Variants in ACTN2 observed in about 807,000 individuals in gnomAD.
The protein encoded by ACTN2 is actinin alpha 2.
Under a neutral mutation model 113.8 loss-of-function variants are expected in ACTN2, and 39 were observed. That is an observed-to-expected ratio of 0.34 (90% CI 0.27 to 0.45). The LOEUF is 0.45. ACTN2 is among the 20% of genes least tolerant of loss of function. The pLI, the probability that ACTN2 is intolerant of heterozygous loss-of-function variation, is 1.00. For synonymous variants in ACTN2, 429 were observed against 444.1 expected, an observed-to-expected ratio of 0.97 and a Z score of 0.43; for missense variants, 992 against 1,177.9, an observed-to-expected ratio of 0.84 and a Z score of 2.31.
intron 1 of ACTN2, among the ~76,000 whole-genome samples, chr1:236,693,862 C>T (rs2102860556): frequency 6.6e-6 from 1 of 152,280 alleles, no homozygotes; most frequent in South Asian, 2.1e-4. Context: ...TGGTTGCCTT[C>T]AGGAGAGAGT....
chr1:236,759,328 A>G (rs962915063), intron 18 of ACTN2, among the ~76,000 whole-genome samples: 10 of 152,232 alleles, frequency 6.6e-5, no homozygotes, highest in African/African-American at 2.4e-4. Context: ...ATTGATTTGA[A>G]TCCAAGATGA....
In ACTN2 at chr1:236,754,117, C is replaced by T; in HGVS notation, c.1974+36C>T. On this transcript the variant is annotated intron_variant, in intron 16 of 20. Transcript: ENST00000366578. The surrounding 1 kb of genome is among the most constrained non-coding windows in gnomAD (Gnocchi z 4.9). ...GCCCTCCCAGGCGCTGTTCACAAGC[C>T]TTGCGATAAGTCCCTTTAGCCACGC... 6.2e-7 allele frequency: 1 copy of T among 1,611,552 alleles called. No individual in the cohort carries two copies. Among genetic ancestry groups the T allele is most frequent in the Non-Finnish European group, 8.5e-7 (1 of 1,179,994 alleles).
At chr1:236,693,373 A>G (rs776530036) in intron 1 of ACTN2, among the ~76,000 whole-genome samples, 2 of 152,172 alleles carry the variant, frequency 1.3e-5, no homozygotes, top group Non-Finnish European at 2.9e-5. Context: ...TGACACCACC[A>G]TGGCCCTTAA....
intron 8 of ACTN2, chr1:236,736,585 G>C: frequency 1.3e-6 from 2 of 1,490,608 alleles, no homozygotes; most frequent in South Asian, 2.4e-5. Context: ...AGCACACTCA[G>C]CTCTGTGGAA....
rs1188348677 is a variant in ACTN2 at position 236,709,307 on chromosome 1, CGTATATATGTATATATATACAT to C, written c.127-8542_127-8521del. Among the ~76,000 whole-genome samples the C allele has an allele frequency of 4.3e-5, 4 of 92,488 alleles. No homozygotes were observed. In the South Asian group the frequency reaches 9.9e-4, roughly 23 times the overall value. The allele number at this position is 92,488 out of a possible 152,430, so 60.7% of individuals were successfully genotyped here. On this transcript the variant is annotated intron_variant, in intron 1 of 20. Coordinates refer to ENST00000366578, the MANE Select transcript of ACTN2 (RefSeq NM_001103.4). The stretch of plus-strand genomic sequence containing the variant: ...ATATATATGTATATATGTATATATA[CGTATATATGTATATATATACAT>C]GTATATATATACGTGTATATATATA...
chr1:236,705,021 A>G (rs1443534651), intron 1 of ACTN2, among the ~76,000 whole-genome samples: 1 of 152,208 alleles, frequency 6.6e-6, no homozygotes, highest in Non-Finnish European at 1.5e-5. Flanking sequence ...AAGGTAGGTC[A>G]GATCATTGCT....
chr1:236,689,268 TAGAAGAAA>T (rs1665982554), intron 1 of ACTN2, among the ~76,000 whole-genome samples: 1 of 148,180 alleles, frequency 6.7e-6, no homozygotes, highest in Admixed American at 6.8e-5. Flanking sequence ...AACTCAAGGG[TAGAAGAAA>T]AATGCCTGCA....
At chr1:236,733,527 G>A (rs1658773540) in intron 7 of ACTN2, among the ~76,000 whole-genome samples, 1 of 152,016 alleles carries the variant, frequency 6.6e-6, no homozygotes, top group South Asian at 2.1e-4. Context: ...CCTTTTAATG[G>A]TTCAGAAGAA....
In ACTN2 at chr1:236,763,795, TGACACAGG is replaced by T. The variant is rs1300601647; in HGVS notation, c.*1177_*1184del. The T allele has an allele frequency of 6.6e-6, 1 of 152,256 alleles. No individual in the cohort carries two copies. Among genetic ancestry groups the T allele is most frequent in the Non-Finnish European group, 1.5e-5 (1 of 68,058 alleles). 9.4% of individuals were successfully genotyped at this position (152,256 alleles called of 1,614,324 possible). A position where few individuals can be genotyped will look rare whatever the true frequency, so the allele number is the denominator to read the frequency against. On this transcript the variant is annotated 3_prime_UTR_variant, in exon 21 of 21. Transcript: ENST00000366578. ...GTTCTGTGTCTAAAGGCCTGCTCCA[TGACACAGG>T]ATGCTACATGCACTCCTGCTAGCAC...
intron 1 of ACTN2, among the ~76,000 whole-genome samples, chr1:236,699,575 A>G (rs770326961): frequency 6.6e-6 from 1 of 152,170 alleles, no homozygotes; most frequent in Non-Finnish European, 1.5e-5. Flanking sequence ...CCCTTTTGGA[A>G]CTAGAAAATG....
chr1:236,705,906 T>C (rs765427485), intron 1 of ACTN2, among the ~76,000 whole-genome samples: 1 of 152,218 alleles, frequency 6.6e-6, no homozygotes, highest in Non-Finnish European at 1.5e-5. Flanking sequence ...ATGGACTAAA[T>C]GGAAATCAGT....
At position 236,727,750 on chromosome 1, in the gene ACTN2, T is replaced by C; in HGVS notation, c.609T>C (p.Leu203=). 2 of 1,614,074 alleles carry C rather than the reference T, an allele frequency of 1.2e-6. No individual in the cohort carries two copies. The highest frequency in any genetic ancestry group is 1.7e-6 in the Non-Finnish European group (2 of 1,180,002). ...CTGACCTCATTGACTACTCAAAGCT[T>C]AACAAGGTTATTCTGGGTGGCCTGG... ...HRPDLIDYSK[L]NKDDPIGNIN... is the part of the protein sequence containing the mutation. Residue 203 remains leucine (L), a synonymous_variant, in exon 6 of 21, where the codon CTT becomes CTC. Transcript: ENST00000366578.
chr1:236,757,434 G>C, intron 17 of ACTN2, 52 bp from the exon 18 acceptor site: 2 of 1,612,014 alleles, frequency 1.2e-6, no homozygotes, highest in African/African-American at 2.7e-5. Context: ...AAGAGGCAGA[G>C]TTGACATGCT....
chr1:236,740,575 C>T (rs2385495), intron 10 of ACTN2, among the ~76,000 whole-genome samples: 69,734 of 151,660 alleles, frequency 0.46, 18,958 homozygotes, highest in Non-Finnish European at 0.61. Context: ...CTTTGTTGCC[C>T]AGGCTGGAGT....
chr1:236,735,494 C>T, intron 7 of ACTN2, 141 bp from the exon 8 acceptor site: 10 of 762,058 alleles, frequency 1.3e-5, no homozygotes, highest in Non-Finnish European at 2.3e-5. Context: ...AGGTTCGGGA[C>T]CACGGGCCCA....
intron 1 of ACTN2, among the ~76,000 whole-genome samples, chr1:236,715,755 A>C (rs920724234): frequency 6.6e-6 from 1 of 152,148 alleles, no homozygotes; most frequent in African/African-American, 2.4e-5. Flanking sequence ...CAGGAGTTTA[A>C]GACCAGTCTG....
intron 4 of ACTN2, among the ~76,000 whole-genome samples, chr1:236,724,455 C>T (rs969692272): frequency 6.6e-6 from 1 of 152,190 alleles, no homozygotes; most frequent in African/African-American, 2.4e-5. Context: ...GGGGAGGGAG[C>T]AGGAGATGCC....
chr1:236,745,350 T>C (rs1438249133), intron 12 of ACTN2, among the ~76,000 whole-genome samples: 39 of 152,018 alleles, frequency 2.6e-4, no homozygotes, highest in Admixed American at 1.9e-3. Flanking sequence ...AGGAGAATGG[T>C]GTGAACCCAG....
intron 1 of ACTN2, among the ~76,000 whole-genome samples, chr1:236,705,428 C>A (rs1477641499): frequency 6.6e-6 from 1 of 152,180 alleles, no homozygotes; most frequent in Non-Finnish European, 1.5e-5. Context: ...TAAGCCGTTA[C>A]AACCAGTCCA....
Sources: gnomAD v4.1 joint callset for allele counts (sites outside exome capture counted in the v4.1 genomes callset) on GRCh38, gnomAD v4.1.1 for gene constraint, Gnocchi (gnomAD v3.1) non-coding constraint, MANE v1.5 for transcripts, NCBI Gene and HGNC (gene_info 2026-07-23, HGNC 2026-07-21) for gene names.